Variants in CAMTA1 observed in about 807,000 individuals in gnomAD.
CAMTA1 encodes the protein calmodulin binding transcription activator 1.
In CAMTA1, 27 loss-of-function variants were observed where a neutral mutation model predicts 170.9. That is an observed-to-expected ratio of 0.16 (90% CI 0.12 to 0.22). The LOEUF is 0.22. CAMTA1 is among the 10% of genes least tolerant of loss of function. The pLI is 1.00. For synonymous variants in CAMTA1, 833 were observed against 891.5 expected (o/e 0.93, Z 1.17); for missense variants, 1,619 against 2,217.2 (o/e 0.73, Z 5.42).
At position 7,394,781 on chromosome 1, in the gene CAMTA1, A is replaced by T. The variant is rs56111293; in HGVS notation, c.439-73049A>T. Among the ~76,000 whole-genome samples the T allele has an allele frequency of 7.2e-4, 109 of 150,606 alleles. 1 individual carries two copies. Among genetic ancestry groups the T allele is most frequent in the African/African-American group, 2.6e-3 (105 of 40,840 alleles). On this transcript the variant is annotated intron_variant, in intron 5 of 22. Coordinates refer to ENST00000303635, the MANE Select transcript of CAMTA1 (RefSeq NM_015215.4). ...AAAAATCCTTACCCAGACCAATATCATGAAGCATTTCCCCTATATTTTCTT... is the reference window on the plus strand; with the variant it reads ...AAAAATCCTTACCCAGACCAATATCTTGAAGCATTTCCCCTATATTTTCTT...
chr1:7,366,339 A>T (rs2085963926), intron 5 of CAMTA1, among the ~76,000 whole-genome samples: 1 of 152,008 alleles, frequency 6.6e-6, no homozygotes, highest in African/African-American at 2.4e-5. Flanking sequence ...GCTCCACATG[A>T]GGTATATTCC....
chr1:7,660,903 A>G (rs2149129592), intron 7 of CAMTA1, among the ~76,000 whole-genome samples: 1 of 152,354 alleles, frequency 6.6e-6, no homozygotes, highest in Non-Finnish European at 1.5e-5. Context: ...CTCAGGACTT[A>G]GCGACCCCTT....
At position 7,146,387 on chromosome 1, in the gene CAMTA1, G is replaced by A. The variant is rs532581609; in HGVS notation, c.302+55016G>A. On this transcript the variant is annotated intron_variant, in intron 4 of 22. Transcript: ENST00000303635. This position sits in a 1 kb window ranked among gnomAD's most constrained non-coding sequence, Gnocchi z 4.3. ...ATGAAAGAAGTGAAGAGATAAGAAT[G>A]TGTAGGAAGGTTATCTTTCAATTAA... 5.9e-5 allele frequency among the ~76,000 whole-genome samples: 9 copies of A among 152,290 alleles called. No homozygotes were observed. In the South Asian group the frequency reaches 8.3e-4, roughly 14 times the overall value.
intron 5 of CAMTA1, among the ~76,000 whole-genome samples, chr1:7,250,725 T>C (rs1303000393): frequency 6.6e-6 from 1 of 152,222 alleles, no homozygotes; most frequent in Admixed American, 6.5e-5. Context: ...GGATGACTTT[T>C]GTTTTATGTT....
At chr1:7,220,008 G>A (rs1196728779) in intron 4 of CAMTA1, among the ~76,000 whole-genome samples, 1 of 152,202 alleles carries the variant, frequency 6.6e-6, no homozygotes, top group East Asian at 1.9e-4. Flanking sequence ...CTTGATCTCA[G>A]ACTTCCCGTC....
chr1:7,486,895 C>T (rs1313240545), intron 6 of CAMTA1, among the ~76,000 whole-genome samples: 1 of 152,184 alleles, frequency 6.6e-6, no homozygotes, highest in Non-Finnish European at 1.5e-5. Flanking sequence ...CCAGTCTGCC[C>T]TCCCAGCACA....
chr1:7,655,299 T>TAC (rs1196951662), intron 7 of CAMTA1, among the ~76,000 whole-genome samples: 2 of 86,714 alleles, frequency 2.3e-5, no homozygotes, highest in East Asian at 4.7e-4. Context: ...CACACACCTA[T>TAC]ACACACACAC....
At chr1:7,205,542 T>C (rs371660747) in intron 4 of CAMTA1, among the ~76,000 whole-genome samples, 1 of 152,270 alleles carries the variant, frequency 6.6e-6, no homozygotes, top group East Asian at 1.9e-4. Flanking sequence ...TTTATTTTTA[T>C]GAAATGTCCT....
intron 5 of CAMTA1, among the ~76,000 whole-genome samples, chr1:7,372,866 TACA>T (rs2086581839): frequency 6.6e-6 from 1 of 152,224 alleles, no homozygotes; most frequent in East Asian, 1.9e-4. Context: ...GCCACCATCC[TACA>T]ATGCTTCTCC....
intron 11 of CAMTA1, among the ~76,000 whole-genome samples, chr1:7,731,104 T>C (rs2096729769): frequency 6.6e-6 from 1 of 152,076 alleles, no homozygotes; most frequent in African/African-American, 2.4e-5. Context: ...TGCATGCACA[T>C]GTGTGTGTAA....
intron 6 of CAMTA1, among the ~76,000 whole-genome samples, chr1:7,556,762 C>T (rs977327676): frequency 2.6e-5 from 4 of 152,126 alleles, no homozygotes; most frequent in African/African-American, 4.8e-5. Context: ...TAAGGATCCT[C>T]GAAGAACCAG....
At chr1:6,985,898 G>C (rs938353197) in intron 3 of CAMTA1, among the ~76,000 whole-genome samples, 4 of 152,188 alleles carry the variant, frequency 2.6e-5, no homozygotes, top group African/African-American at 9.7e-5. Flanking sequence ...TATTATGCTT[G>C]GGATGCTCTC....
intron 22 of CAMTA1, among the ~76,000 whole-genome samples, chr1:7,757,603 C>T (rs143600679): frequency 3.0e-4 from 46 of 152,112 alleles, no homozygotes; most frequent in African/African-American, 1.0e-3. Context: ...CGTGTCTCTA[C>T]TAAAAATACA....
At chr1:7,752,587 TG>T in intron 21 of CAMTA1, 54 bp downstream of exon 21, 1 of 1,411,202 alleles carries the variant, frequency 7.1e-7, no homozygotes, top group Non-Finnish European at 9.7e-7. Context: ...GAAGCAACCC[TG>T]ACCTTCTTAA....
At chr1:7,342,412 C>T (rs2083901834) in intron 5 of CAMTA1, among the ~76,000 whole-genome samples, 1 of 152,176 alleles carries the variant, frequency 6.6e-6, no homozygotes, top group South Asian at 2.1e-4. Flanking sequence ...CAGCAGGATT[C>T]CAGTCCTTTC....
chr1:7,213,747 A>C lies in CAMTA1; in HGVS notation c.303-35744A>C, dbSNP rs60947312. On this transcript the variant is annotated intron_variant, in intron 4 of 22. Transcript: ENST00000303635. The stretch of plus-strand genomic sequence containing the variant: ...AACATGAGGTATATCTCCTAATGCT[A>C]TCCCTCCCCCCTCCGCCCACCCCAC... Among the ~76,000 whole-genome samples, 398 of 151,982 alleles carry C rather than the reference A, an allele frequency of 2.6e-3. 2 individuals carry two copies. Among genetic ancestry groups the C allele is most frequent in the African/African-American group, 9.3e-3 (387 of 41,440 alleles).
intron 6 of CAMTA1, among the ~76,000 whole-genome samples, chr1:7,542,041 CTT>C (rs889272469): frequency 3.3e-5 from 5 of 152,132 alleles, no homozygotes; most frequent in African/African-American, 1.2e-4. Context: ...TTTAACTTCA[CTT>C]TTTTCTTAAT....
intron 4 of CAMTA1, among the ~76,000 whole-genome samples, chr1:7,163,013 C>G (rs1188441156): frequency 6.7e-6 from 1 of 150,208 alleles, no homozygotes; most frequent in Non-Finnish European, 1.5e-5. Context: ...GGCAGGAGGA[C>G]CTGTGAGGCA....
chr1:7,484,220 G>A (rs1357820584), intron 6 of CAMTA1, among the ~76,000 whole-genome samples: 1 of 152,130 alleles, frequency 6.6e-6, no homozygotes, highest in Non-Finnish European at 1.5e-5. Context: ...CCCACCTCAG[G>A]TCCGCCTTCC....
Sources: gnomAD v4.1 joint callset for allele counts (sites outside exome capture counted in the v4.1 genomes callset) on GRCh38, gnomAD v4.1.1 for gene constraint, Gnocchi (gnomAD v3.1) non-coding constraint, MANE v1.5 for transcripts, NCBI Gene and HGNC (gene_info 2026-07-23, HGNC 2026-07-21) for gene names.